The following ST3GAL4 variants were observed in gnomAD, a reference collection of about 807,000 sequenced individuals.
ST3GAL4 encodes the protein CMP-N-acetylneuraminate-beta-galactosamide-alpha-2,3-sialyltransferase 4.
In ST3GAL4, 24 loss-of-function variants were observed where a neutral mutation model predicts 42.6. The observed-to-expected ratio is 0.56, with a 90% confidence interval of 0.41 to 0.79. ST3GAL4 has a LOEUF of 0.79. ST3GAL4 is among the 30% of genes least tolerant of loss of function. The pLI is 0.00. For missense variants in ST3GAL4, 311 were observed against 430.8 expected (o/e 0.72, Z 2.46); for synonymous variants, 135 against 163.2 (o/e 0.83, Z 1.32).
At chr11:126,402,924 G>T (rs956245441) in intron 1 of ST3GAL4, among the ~76,000 whole-genome samples, 4 of 152,226 alleles carry the variant, frequency 2.6e-5, no homozygotes, top group Admixed American at 1.3e-4. Context: ...GGTCGGGTGA[G>T]CTGGCCTCTT....
In ST3GAL4 at chr11:126,411,810, C is replaced by T. The variant is rs1033680183; in HGVS notation, c.772-1695C>T. Among the ~76,000 whole-genome samples the T allele has an allele frequency of 1.3e-5, 2 of 152,094 alleles. No individual in the cohort carries two copies. Among genetic ancestry groups the T allele is most frequent in the Admixed American group, 6.6e-5 (1 of 15,250 alleles). On this transcript the variant is annotated intron_variant, in intron 9 of 10. Transcript: ENST00000444328. The surrounding 1 kb of genome is among the most constrained non-coding windows in gnomAD (Gnocchi z 6.3). ...CCAGCGACGGCACAATAGATCCTTT[C>T]TGTGCTTCAAATCTCTGACCTCCGT...
chr11:126,388,679 T>TTTTTTTTTTTTTTTTTTTTTTTTTTC (rs1239186575), intron 1 of ST3GAL4, among the ~76,000 whole-genome samples: 2 of 122,642 alleles, frequency 1.6e-5, no homozygotes, highest in African/African-American at 3.5e-5. Flanking sequence ...TTTTTTTTTT[T>TTTTTTTTTTTTTTTTTTTTTTTTTTC]TTCTGATTTA....
chr11:126,394,411 G>A (rs1033792309), intron 1 of ST3GAL4, among the ~76,000 whole-genome samples: 3 of 152,162 alleles, frequency 2.0e-5, no homozygotes, highest in African/African-American at 2.4e-5. Context: ...TCTCAGGCAG[G>A]CACCAGGATA....
At chr11:126,404,281 C>T (rs1008582703) in intron 1 of ST3GAL4, among the ~76,000 whole-genome samples, 2 of 152,172 alleles carry the variant, frequency 1.3e-5, no homozygotes, top group African/African-American at 4.8e-5. Flanking sequence ...TGGGAATAGG[C>T]TGACTTCTCA....
intron 9 of ST3GAL4, among the ~76,000 whole-genome samples, chr11:126,412,173 G>T (rs937813177): frequency 5.9e-5 from 9 of 152,142 alleles, no homozygotes; most frequent in Non-Finnish European, 1.2e-4. Context: ...GTGAGTGTAA[G>T]GAGACTGTGT....
chr11:126,408,096 C>A lies in ST3GAL4; in HGVS notation c.342-3C>A. On this transcript the variant is annotated splice_region_variant and splice_polypyrimidine_tract_variant and intron_variant, in intron 6 of 10. Transcript: ENST00000444328. Reference sequence around the variant, plus strand: ...ACATAGACCACTCCTCTTTCTATGGCAGCCTCAGGTGCCGCCGCTGTGTGG... The same window carrying A: ...ACATAGACCACTCCTCTTTCTATGGAAGCCTCAGGTGCCGCCGCTGTGTGG... 1 of 1,613,136 alleles carries A rather than the reference C, an allele frequency of 6.2e-7. No individual in the cohort carries two copies. Among genetic ancestry groups the A allele is most frequent in the Non-Finnish European group, 8.5e-7 (1 of 1,179,712 alleles).
intron 1 of ST3GAL4, among the ~76,000 whole-genome samples, chr11:126,390,629 T>TTTTTTTTTTTTTTTTTTTTTTTTTTTG (rs1953469599): frequency 6.6e-6 from 1 of 151,208 alleles, no homozygotes; most frequent in African/African-American, 2.4e-5. Context: ...TTTTTTTTTT[T>TTTTTTTTTTTTTTTTTTTTTTTTTTTG]TTTTTTTTAT....
Position 126,413,553 on chromosome 11 carries a change from G to C in ST3GAL4, c.820G>C (p.Asp274His). ...CATCACGCTGGCCCTCCACCTCTGT[G>C]ACTTGGTGCACATTGCCGGCTTTGG... ...LAITLALHLC[D>H]LVHIAGFGYP... The change falls in exon 10 of 11, where the codon GAC becomes CAC. Residue 274 changes from aspartate (D) to histidine (H), a missense_variant. Transcript: ENST00000444328. 6.2e-7 allele frequency: 1 copy of C among 1,614,228 alleles called. No individual in the cohort carries two copies. The highest frequency in any genetic ancestry group is 8.5e-7 in the Non-Finnish European group (1 of 1,180,044).
intron 1 of ST3GAL4, among the ~76,000 whole-genome samples, chr11:126,395,819 T>G (rs1038006876): frequency 1.3e-5 from 2 of 152,162 alleles, no homozygotes; most frequent in African/African-American, 4.8e-5. Flanking sequence ...TTTTCTTTAT[T>G]AATTTCCCAG....
chr11:126,369,972 A>G (rs920936237), intron 1 of ST3GAL4, among the ~76,000 whole-genome samples: 3 of 152,240 alleles, frequency 2.0e-5, no homozygotes, highest in African/African-American at 7.2e-5. Context: ...TGACATCAGC[A>G]TGCATCGATT....
rs557770163 is a variant in ST3GAL4 at position 126,402,312 on chromosome 11, C to T, written c.-60-3784C>T. ...CTCTACTAAAAATACAAAAATTAGCCGGGCATGGTGACACATGCCTGTAGT... is the reference window on the plus strand; with the variant it reads ...CTCTACTAAAAATACAAAAATTAGCTGGGCATGGTGACACATGCCTGTAGT... On this transcript the variant is annotated intron_variant, in intron 1 of 10. Coordinates refer to ENST00000444328, the MANE Select transcript of ST3GAL4 (RefSeq NM_001254757.2). Among the ~76,000 whole-genome samples, 10 of 151,970 alleles carry T rather than the reference C, an allele frequency of 6.6e-5. No homozygotes were observed. In the East Asian group the frequency reaches 7.7e-4, roughly 12 times the overall value.
rs1952178833 is a variant in ST3GAL4 at position 126,359,641 on chromosome 11, A to T, written c.-61+3799A>T. 6.6e-6 allele frequency among the ~76,000 whole-genome samples: 1 copy of T among 151,874 alleles called. No homozygotes were observed. Among genetic ancestry groups the T allele is most frequent in the Non-Finnish European group, 1.5e-5 (1 of 67,950 alleles). ...CCCTGACCTCTGAGTGCTCTCCCGA[A>T]CCCCACATCCCGGCCGGGCCGTACC... is the stretch of plus-strand genomic sequence containing the variant. On this transcript the variant is annotated intron_variant, in intron 1 of 10. Coordinates refer to ENST00000444328, the MANE Select transcript of ST3GAL4 (RefSeq NM_001254757.2). The surrounding 1 kb of genome is among the most constrained non-coding windows in gnomAD (Gnocchi z 4.8).
rs536804773 is a variant in ST3GAL4, at chr11:126,411,083, G to A, written c.771+1672G>A. 6.6e-6 allele frequency among the ~76,000 whole-genome samples: 1 copy of A among 152,102 alleles called. No homozygotes were observed. Among genetic ancestry groups the A allele is most frequent in the African/African-American group, 2.4e-5 (1 of 41,428 alleles). On this transcript the variant is annotated intron_variant, in intron 9 of 10. Coordinates refer to ENST00000444328, the MANE Select transcript of ST3GAL4 (RefSeq NM_001254757.2). This position sits in a 1 kb window ranked among gnomAD's most constrained non-coding sequence, Gnocchi z 6.3. Reference sequence around the variant, plus strand: ...GCTGGAGAGGGAGATGAGAGAGGGCGAGGACCTGAACCCAGCTCCTGGCAG... The same window carrying A: ...GCTGGAGAGGGAGATGAGAGAGGGCAAGGACCTGAACCCAGCTCCTGGCAG...
Position 126,406,119 on chromosome 11 carries a change from C to T in ST3GAL4, c.-37C>T. On this transcript the variant is annotated 5_prime_UTR_variant, in exon 2 of 11. Transcript: ENST00000444328. This position sits in a 1 kb window ranked among gnomAD's most constrained non-coding sequence, Gnocchi z 5.4. ...AGGTGGCCCGAGGCAGCCGGGATGA[C>T]AGCTCTCCCCAGGAATCCTGCTGCC... The T allele has an allele frequency of 6.4e-7, 1 of 1,552,178 alleles. No individual in the cohort carries two copies. Among genetic ancestry groups the T allele is most frequent in the Non-Finnish European group, 8.7e-7 (1 of 1,147,242 alleles).
intron 5 of ST3GAL4, 83 bp downstream of exon 5, chr11:126,407,432 G>A: frequency 6.4e-7 from 1 of 1,567,032 alleles, no homozygotes; most frequent in South Asian, 1.1e-5. Context: ...CGGCCCCAGT[G>A]CCCAAGTTCT....
In ST3GAL4 at chr11:126,391,936, C is replaced by CGTGTGTGTGTGTGTGTGT. The variant is rs111958228; in HGVS notation, c.-60-14141_-60-14124dup. Among the ~76,000 whole-genome samples the CGTGTGTGTGTGTGTGTGT allele has an allele frequency of 6.9e-6, 1 of 144,390 alleles. No individual in the cohort carries two copies. Among genetic ancestry groups the CGTGTGTGTGTGTGTGTGT allele is most frequent in the Non-Finnish European group, 1.5e-5 (1 of 66,140 alleles). 94.7% of individuals were successfully genotyped at this position (144,390 alleles called of 152,430 possible). ...CTCAGAACACCTGTGATAACTTGGTCGTGTGTGTGTGTGTGTGTGTGTGTG... is the reference window on the plus strand; with the variant it reads ...CTCAGAACACCTGTGATAACTTGGTCGTGTGTGTGTGTGTGTGTGTGTGTGTGTGTGTGTGTGTGTGTG... On this transcript the variant is annotated intron_variant, in intron 1 of 10. Transcript: ENST00000444328. This position sits in a 1 kb window ranked among gnomAD's most constrained non-coding sequence, Gnocchi z 5.5.
chr11:126,377,373 G>A (rs1952859998), intron 1 of ST3GAL4, among the ~76,000 whole-genome samples: 1 of 151,556 alleles, frequency 6.6e-6, no homozygotes, highest in Non-Finnish European at 1.5e-5. Context: ...ATTTCACCAT[G>A]TTGGCCATGC....
In ST3GAL4 at chr11:126,378,908, C is replaced by T. The variant is rs894015998; in HGVS notation, c.-61+23066C>T. 6.6e-6 allele frequency among the ~76,000 whole-genome samples: 1 copy of T among 152,114 alleles called. No individual in the cohort carries two copies. Among genetic ancestry groups the T allele is most frequent in the African/African-American group, 2.4e-5 (1 of 41,410 alleles). ...TCTAGTCTTCATAATCTGTGTCAAA[C>T]CTAAGAATTTGAGTACAGAGGGATT... On this transcript the variant is annotated intron_variant, in intron 1 of 10. Coordinates refer to ENST00000444328, the MANE Select transcript of ST3GAL4 (RefSeq NM_001254757.2). The surrounding 1 kb of genome is among the most constrained non-coding windows in gnomAD (Gnocchi z 5.3).
chr11:126,403,440 C>G (rs1954095517), intron 1 of ST3GAL4: 3 of 985,446 alleles, frequency 3.0e-6, no homozygotes, highest in Non-Finnish European at 3.6e-6. Context: ...GAAATGAGCT[C>G]TTTGTAGTGT....
Sources: allele counts gnomAD v4.1 joint callset (sites outside exome capture counted in the v4.1 genomes callset), GRCh38; gene constraint gnomAD v4.1.1; non-coding constraint Gnocchi (gnomAD v3.1); transcripts MANE v1.5; gene names NCBI Gene and HGNC (gene_info 2026-07-23, HGNC 2026-07-21).